CFAP299: variants seen among roughly 807,000 people sequenced by gnomAD.
CFAP299 encodes cilia and flagella associated protein 299.
CFAP299 carries 21 observed loss-of-function variants against 27.0 expected under a neutral mutation model. That is an observed-to-expected ratio of 0.78 (90% CI 0.55 to 1.12). The LOEUF (loss-of-function observed/expected upper bound fraction) is 1.12, where lower values mean the gene tolerates loss of function less well. CFAP299 is among the 50% of genes most tolerant of loss of function. The pLI is 0.00. For missense variants in CFAP299, 310 were observed against 276.6 expected, an observed-to-expected ratio of 1.12 and a Z score of -0.86; for synonymous variants, 104 against 98.1, an observed-to-expected ratio of 1.06 and a Z score of -0.36.
At chr4:80,467,950 A>G (rs1407757825) in intron 2 of CFAP299, among the ~76,000 whole-genome samples, 1 of 152,192 alleles carries the variant, frequency 6.6e-6, no homozygotes, top group East Asian at 1.9e-4. Flanking sequence ...TCATAGGGAA[A>G]ACTATCCCCA....
chr4:80,800,369 AAT>A lies in CFAP299; in HGVS notation c.334-69616_334-69615del, dbSNP rs1253668945. ...TATAATATATATGATATATTAATAT[AAT>A]ATATATAATATATAATATATTAATA... On this transcript the variant is annotated intron_variant, in intron 3 of 5. Transcript: ENST00000358105. 5.0e-3 allele frequency among the ~76,000 whole-genome samples: 357 copies of A among 71,122 alleles called. 12 individuals carry two copies. The highest frequency in any genetic ancestry group is 0.019 in the Middle Eastern group (1 of 52). The allele number at this position is 71,122 out of a possible 152,430, so 46.7% of individuals were successfully genotyped here.
intron 4 of CFAP299, among the ~76,000 whole-genome samples, chr4:80,924,914 C>T (rs1434299744): frequency 1.3e-5 from 2 of 151,642 alleles, no homozygotes; most frequent in Non-Finnish European, 2.9e-5. Flanking sequence ...CTAATCTTGT[C>T]TTCCCCCAGT....
intron 4 of CFAP299, chr4:80,871,747 T>C (rs1364153077): frequency 1.1e-5 from 6 of 567,456 alleles, no homozygotes; most frequent in Non-Finnish European, 2.2e-6. Flanking sequence ...TCAGCATGGA[T>C]CTTTATCTGA....
chr4:80,532,262 A>G (rs1033469425), intron 2 of CFAP299, among the ~76,000 whole-genome samples: 3 of 152,080 alleles, frequency 2.0e-5, no homozygotes, highest in Non-Finnish European at 2.9e-5. Flanking sequence ...TATTTTTTCT[A>G]TTTTTTAAAT....
At chr4:80,403,149 TAAC>T (rs1726246188) in intron 2 of CFAP299, among the ~76,000 whole-genome samples, 1 of 152,220 alleles carries the variant, frequency 6.6e-6, no homozygotes, top group African/African-American at 2.4e-5. Flanking sequence ...TGGATAGCGA[TAAC>T]AAACTTTCTC....
At chr4:80,732,602 C>T (rs1389470086) in intron 3 of CFAP299, among the ~76,000 whole-genome samples, 1 of 152,060 alleles carries the variant, frequency 6.6e-6, no homozygotes, top group East Asian at 1.9e-4. Context: ...CTCTTCCTTC[C>T]ATCACAAACT....
At chr4:80,495,073 A>T (rs1731366381) in intron 2 of CFAP299, among the ~76,000 whole-genome samples, 1 of 152,244 alleles carries the variant, frequency 6.6e-6, no homozygotes, top group Admixed American at 6.5e-5. Flanking sequence ...TTTTAAAAGA[A>T]ATCACAGTTC....
chr4:80,571,727 A>G (rs1735589702), intron 2 of CFAP299, among the ~76,000 whole-genome samples: 1 of 151,832 alleles, frequency 6.6e-6, no homozygotes, highest in Non-Finnish European at 1.5e-5. Flanking sequence ...TAGTGCTCCT[A>G]TTAGAAGAAA....
chr4:80,641,520 C>A (rs1739727281), intron 3 of CFAP299, among the ~76,000 whole-genome samples: 1 of 152,110 alleles, frequency 6.6e-6, no homozygotes, highest in Non-Finnish European at 1.5e-5. Flanking sequence ...TCTTTTAAAT[C>A]CAAGTTCAAA....
rs577954993 is a variant in CFAP299, at chr4:80,341,311, G to A, written c.111+5432G>A. ...TGTGGATGAGGAAGGATCCCCCAAC[G>A]CAGCACACCTGCTCTACCAAAAAGC... is the stretch of plus-strand genomic sequence containing the variant. On this transcript the variant is annotated intron_variant, in intron 1 of 5. Coordinates refer to ENST00000358105, the MANE Select transcript of CFAP299 (RefSeq NM_152770.3). Among the ~76,000 whole-genome samples, 11 of 152,206 alleles carry A rather than the reference G, an allele frequency of 7.2e-5. No homozygotes were observed. In the South Asian group the frequency reaches 8.3e-4, roughly 11 times the overall value.
rs1732252066 is a variant in CFAP299 at position 80,510,685 on chromosome 4, C to A, written c.243-72408C>A. ...AGTTAGTACAGGGATCTTAAAATAA[C>A]ACCAATATATGCCCTTTCCAAGTAA... On this transcript the variant is annotated intron_variant, in intron 2 of 5. Coordinates refer to ENST00000358105, the MANE Select transcript of CFAP299 (RefSeq NM_152770.3). Among the ~76,000 whole-genome samples, 4 of 152,132 alleles carry A rather than the reference C, an allele frequency of 2.6e-5. No individual in the cohort carries two copies. The South Asian group carries it at 8.3e-4, about 32-fold the overall frequency.
At chr4:80,629,101 T>A (rs571899600) in intron 3 of CFAP299, among the ~76,000 whole-genome samples, 1 of 152,158 alleles carries the variant, frequency 6.6e-6, no homozygotes, top group African/African-American at 2.4e-5. Context: ...GATTAAAAAA[T>A]GTGGACACAA....
intron 3 of CFAP299, among the ~76,000 whole-genome samples, chr4:80,805,515 A>G (rs995354007): frequency 6.6e-6 from 1 of 152,164 alleles, no homozygotes; most frequent in Non-Finnish European, 1.5e-5. Context: ...CTCAGAACAT[A>G]GTAGTACACT....
rs542896872 is a variant in CFAP299 at position 80,800,774 on chromosome 4, T to G, written c.334-69219T>G. Among the ~76,000 whole-genome samples the G allele has an allele frequency of 2.9e-3, 393 of 136,412 alleles. 2 individuals are homozygous for G. Among genetic ancestry groups the G allele is most frequent in the Middle Eastern group, 0.029 (8 of 280 alleles). 89.5% of individuals were successfully genotyped at this position (136,412 alleles called of 152,430 possible). ...GTGTGTGTGTGTGTGTGTGTATATA[T>G]ATATATGTATACATATATATATATG... is the stretch of plus-strand genomic sequence containing the variant. On this transcript the variant is annotated intron_variant, in intron 3 of 5. Coordinates refer to ENST00000358105, the MANE Select transcript of CFAP299 (RefSeq NM_152770.3).
chr4:80,370,356 C>T (rs1293032454), intron 2 of CFAP299, among the ~76,000 whole-genome samples: 4 of 152,104 alleles, frequency 2.6e-5, no homozygotes, highest in Non-Finnish European at 5.9e-5. Flanking sequence ...CCCTGGGCTC[C>T]CCAAATCTCA....
At chr4:80,456,865 G>A (rs948371190) in intron 2 of CFAP299, among the ~76,000 whole-genome samples, 2 of 152,278 alleles carry the variant, frequency 1.3e-5, no homozygotes, top group African/African-American at 4.8e-5. Flanking sequence ...TTTGACAGAT[G>A]AGGAAGAGCT....
intron 3 of CFAP299, among the ~76,000 whole-genome samples, chr4:80,853,061 C>T (rs1002010513): frequency 2.0e-5 from 3 of 152,040 alleles, no homozygotes; most frequent in African/African-American, 7.2e-5. Flanking sequence ...GACGGAGTCT[C>T]ATTCTATTGC....
chr4:80,340,165 C>T lies in CFAP299; in HGVS notation c.111+4286C>T, dbSNP rs147928300. Among the ~76,000 whole-genome samples, 69 of 152,266 alleles carry T rather than the reference C, an allele frequency of 4.5e-4. 1 individual carries two copies. The highest frequency in any genetic ancestry group is 1.5e-3 in the African/African-American group (61 of 41,556). On this transcript the variant is annotated intron_variant, in intron 1 of 5. Coordinates refer to ENST00000358105, the MANE Select transcript of CFAP299 (RefSeq NM_152770.3). ...TTTGGGACTCACTAGGCAATCAACT[C>T]GACCCATGGATAATGAAGAAAAGCA...
At chr4:80,428,459 G>A (rs183878301) in intron 2 of CFAP299, among the ~76,000 whole-genome samples, 4 of 152,162 alleles carry the variant, frequency 2.6e-5, no homozygotes, top group African/African-American at 7.2e-5. Flanking sequence ...AACATATGAA[G>A]AAAATGTTTC....
Sources: allele counts gnomAD v4.1 joint callset (sites outside exome capture counted in the v4.1 genomes callset), GRCh38; gene constraint gnomAD v4.1.1; transcripts MANE v1.5; gene names NCBI Gene and HGNC (gene_info 2026-07-23, HGNC 2026-07-21).